C8B: variants seen among roughly 807,000 people sequenced by gnomAD.
C8B encodes complement C8 beta chain.
C8B carries 67 observed loss-of-function variants against 64.6 expected under a neutral mutation model. The observed-to-expected ratio is 1.04, with a 90% CI of 0.85 to 1.27. The LOEUF (loss-of-function observed/expected upper bound fraction) is 1.27, where lower values mean the gene tolerates loss of function less well. Among genes scored for constraint, C8B ranks in the 50% most tolerant of loss-of-function variants. The pLI, the probability that C8B is intolerant of heterozygous loss-of-function variation, is 0.00. For synonymous variants in C8B, 284 were observed against 257.7 expected (o/e 1.10, Z -0.98); for missense variants, 790 against 725.2 (o/e 1.09, Z -1.03).
rs1024437964 is a variant in C8B, at chr1:56,952,069, A to C, written c.645T>G (p.Asn215Lys). ...ILNTRFRKPYNVESYTPQTQG... is the reference protein window; with the variant it reads ...ILNTRFRKPYKVESYTPQTQG... ...TTACCTGTGGCGTGTAGCTTTCCACATTGTAGGGCTTCCTAAACCTCGTGT... is the reference window on the plus strand; with the variant it reads ...TTACCTGTGGCGTGTAGCTTTCCACCTTGTAGGGCTTCCTAAACCTCGTGT... The change falls in exon 5 of 12, where the codon AAT (asparagine) becomes AAG (lysine). Residue 215 changes from asparagine (N) to lysine (K), a missense_variant. Transcript: ENST00000371237. 1 of 1,613,906 alleles carries C rather than the reference A, an allele frequency of 6.2e-7. No homozygotes were observed. Among genetic ancestry groups the C allele is most frequent in the Non-Finnish European group, 8.5e-7 (1 of 1,179,990 alleles).
At chr1:56,936,417 A>T (rs1279292376) in intron 9 of C8B, among the ~76,000 whole-genome samples, 1 of 151,854 alleles carries the variant, frequency 6.6e-6, no homozygotes, top group Admixed American at 6.6e-5. Flanking sequence ...AACATTTTGC[A>T]TCTTTATAAA....
chr1:56,951,977 G>C (rs1200122684), intron 5 of C8B, 71 bp downstream of exon 5: 1 of 630,874 alleles, frequency 1.6e-6, no homozygotes, highest in African/African-American at 4.8e-5. Flanking sequence ...AGGCTGTCAG[G>C]CCGGACCATG....
At chr1:56,943,033 T>C (rs920828753) in intron 8 of C8B, among the ~76,000 whole-genome samples, 1 of 151,622 alleles carries the variant, frequency 6.6e-6, no homozygotes, top group Non-Finnish European at 1.5e-5. Flanking sequence ...AAGGTGGAGA[T>C]TGCAGTGAGC....
chr1:56,964,727 G>A (rs146296797), intron 1 of C8B, among the ~76,000 whole-genome samples: 337 of 152,312 alleles, frequency 2.2e-3, no homozygotes, highest in African/African-American at 7.3e-3. Context: ...TTCTTTGTGA[G>A]AACATAGGCT....
At chr1:56,952,312 C>T in intron 4 of C8B, 132 bp from the exon 5 acceptor site, 1 of 1,202,884 alleles carries the variant, frequency 8.3e-7, no homozygotes, top group Non-Finnish European at 1.2e-6. Context: ...TGGTCCAAGC[C>T]AGCTTTCCAG....
rs778732160 is a variant in C8B, at chr1:56,933,390, T to C, written c.1497A>G (p.Glu499=). 6.2e-7 allele frequency: 1 copy of C among 1,613,646 alleles called. No individual in the cohort carries two copies. The highest frequency in any genetic ancestry group is 8.5e-7 in the Non-Finnish European group (1 of 1,179,558). ...MKQALEEFQK[E]VSSCHCAPCQ... ...AGGGAGCACAGTGGCAGGAACTAAC[T>C]TCCTTCTGGAACTCCTCCAGTGCCT... The change falls in exon 10 of 12, where the codon GAA becomes GAG. Residue 499 remains glutamate, a synonymous_variant. Transcript: ENST00000371237.
intron 2 of C8B, among the ~76,000 whole-genome samples, chr1:56,959,020 C>T (rs541799830): frequency 1.3e-5 from 2 of 152,148 alleles, no homozygotes; most frequent in African/African-American, 2.4e-5. Context: ...ACAGATATTG[C>T]GGAAATTGAG....
At chr1:56,938,191 CTCTG>C (rs997468909) in intron 9 of C8B, among the ~76,000 whole-genome samples, 23 of 152,294 alleles carry the variant, frequency 1.5e-4, no homozygotes, top group African/African-American at 2.9e-4. Context: ...CTCCTGTACT[CTCTG>C]TCTATCGTAT....
chr1:56,948,374 A>G (rs755226187), intron 6 of C8B, among the ~76,000 whole-genome samples: 1 of 152,218 alleles, frequency 6.6e-6, no homozygotes, highest in Non-Finnish European at 1.5e-5. Context: ...AGATGTGGAC[A>G]TGAAGCAGAA....
intron 9 of C8B, among the ~76,000 whole-genome samples, chr1:56,939,070 C>T (rs1644813741): frequency 6.6e-6 from 1 of 152,346 alleles, no homozygotes; most frequent in Middle Eastern, 3.4e-3. Flanking sequence ...TGGCATCTGA[C>T]ATTCTCAGTG....
intron 1 of C8B, among the ~76,000 whole-genome samples, chr1:56,964,657 C>T (rs1474302951): frequency 6.6e-6 from 1 of 151,544 alleles, no homozygotes; most frequent in African/African-American, 2.5e-5. Flanking sequence ...CTCCTTGTTT[C>T]CTGGCTGCCC....
chr1:56,935,906 A>T (rs1278289401), intron 9 of C8B, among the ~76,000 whole-genome samples: 1 of 152,238 alleles, frequency 6.6e-6, no homozygotes, highest in African/African-American at 2.4e-5. Context: ...GTGTAATTTT[A>T]TATCTCACTT....
rs574927334 is a variant in C8B, at chr1:56,945,097, C to A, written c.1105+724G>T. 7.9e-5 allele frequency among the ~76,000 whole-genome samples: 12 copies of A among 152,266 alleles called. No homozygotes were observed. In the East Asian group the frequency reaches 1.9e-3, roughly 25 times the overall value. ...ATTGGCCAGCAGCATCAGGGTCACT[C>A]CAAAGCTTGTTAGAAATGCACTCTT... On this transcript the variant is annotated intron_variant, in intron 7 of 11. Transcript: ENST00000371237.
rs189694959 is a variant in C8B, at chr1:56,940,111, G to A, written c.1398+738C>T. ...TTCCCTTAGTACCTTACTTCCTGTA[G>A]CATAGCAGGAATTTAGCAACTATTT... On this transcript the variant is annotated intron_variant, in intron 9 of 11. Coordinates refer to ENST00000371237, the MANE Select transcript of C8B (RefSeq NM_000066.4). Among the ~76,000 whole-genome samples the A allele has an allele frequency of 1.1e-3, 171 of 151,990 alleles. 2 individuals carry two copies. The highest frequency in any genetic ancestry group is 0.01 in the Middle Eastern group (3 of 294).
intron 9 of C8B, among the ~76,000 whole-genome samples, chr1:56,936,976 C>T (rs569127830): frequency 6.6e-6 from 1 of 152,292 alleles, no homozygotes; most frequent in South Asian, 2.1e-4. Flanking sequence ...CAGGCATATG[C>T]TGCCACAGCA....
In C8B at chr1:56,952,031, A is replaced by T. The variant is rs747985739; in HGVS notation, c.666+17T>A. The T allele has an allele frequency of 5.0e-6, 8 of 1,613,404 alleles. No homozygotes were observed. On this transcript the variant is annotated intron_variant, in intron 5 of 11. Transcript: ENST00000371237. Reference sequence around the variant, plus strand: ...CTCAGCTGGGGCTCCCTCCACTGCTACCTGGCTGTCTCTTACCTGTGGCGT... The same window carrying T: ...CTCAGCTGGGGCTCCCTCCACTGCTTCCTGGCTGTCTCTTACCTGTGGCGT...
intron 4 of C8B, among the ~76,000 whole-genome samples, chr1:56,953,464 A>G (rs1244524475): frequency 6.6e-6 from 1 of 152,232 alleles, no homozygotes; most frequent in Non-Finnish European, 1.5e-5. Flanking sequence ...TATTACTATT[A>G]TCCCCATTTT....
Position 56,965,878 on chromosome 1 carries a change from C to T in C8B, c.71G>A (p.Cys24Tyr), listed in dbSNP as rs1325533892. 1.1e-5 allele frequency: 17 copies of T among 1,613,988 alleles called. No individual in the cohort carries two copies. The highest frequency in any genetic ancestry group is 1.4e-5 in the Non-Finnish European group (17 of 1,180,028). ...TTACCTGGAGCCAGGCAAACTGAGA[C>T]AGCCCAGGGCAGCACAGAGAAGAAA... ...ELFLLCAALG[C>Y]LSLPGSRGER... is the part of the protein sequence containing the mutation. Residue 24 changes from cysteine (C) to tyrosine (Y), a missense_variant, in exon 1 of 12, where the codon TGT becomes TAT. Physicochemically the swap from Cys to Tyr is radical, Grantham distance 194. Transcript: ENST00000371237.
At chr1:56,947,679 C>T (rs1207681920) in intron 6 of C8B, among the ~76,000 whole-genome samples, 3 of 152,080 alleles carry the variant, frequency 2.0e-5, no homozygotes. Context: ...CACCTGTAAT[C>T]CCAGCACTTT....
Sources: allele counts gnomAD v4.1 joint callset (sites outside exome capture counted in the v4.1 genomes callset), GRCh38; gene constraint gnomAD v4.1.1; transcripts MANE v1.5; gene names NCBI Gene and HGNC (gene_info 2026-07-23, HGNC 2026-07-21).